Variants in LIPA observed in about 807,000 individuals in gnomAD.
The protein encoded by LIPA is lysosomal acid lipase/cholesteryl ester hydrolase.
A neutral mutation model predicts 40.6 loss-of-function variants in LIPA; 26 were observed. The observed-to-expected ratio is 0.64, with a 90% confidence interval of 0.47 to 0.89. LIPA has a LOEUF of 0.89. LIPA is among the 40% of genes least tolerant of loss of function. The pLI, the probability that LIPA is intolerant of heterozygous loss-of-function variation, is 0.00. For synonymous variants in LIPA, 188 were observed against 168.4 expected (o/e 1.12, Z -0.90); for missense variants, 455 against 479.6 (o/e 0.95, Z 0.48).
At chr10:89,272,448 G>A (rs566306709) in intron 1 of LIPA, among the ~76,000 whole-genome samples, 21 of 152,286 alleles carry the variant, frequency 1.4e-4, no homozygotes, top group African/African-American at 3.4e-4. Context: ...TTATTGCTGC[G>A]TAGTATTCCA....
Position 89,364,263 on chromosome 10 carries a change from C to T in LIPA, c.61+48528G>A, listed in dbSNP as rs181015779. Among the ~76,000 whole-genome samples, 568 of 152,310 alleles carry T rather than the reference C, an allele frequency of 3.7e-3. 5 individuals are homozygous for T. The highest frequency in any genetic ancestry group is 0.034 in the Middle Eastern group (10 of 294). On this transcript the variant is annotated intron_variant, in intron 2 of 8. Coordinates refer to the LIPA transcript ENST00000371837. ...TCTTGATATGTCTTGTGTTAGGTAC[C>T]TGGCACCTGCCAGACCAATCAGACT... is the stretch of plus-strand genomic sequence containing the variant.
intron 1 of LIPA, chr10:89,277,953 T>A (rs567800935): frequency 9.1e-4 from 139 of 152,300 alleles, no homozygotes; most frequent in African/African-American, 3.1e-3. Flanking sequence ...AAAGGTAACT[T>A]GGAAACACAG....
At chr10:89,234,753 C>T (rs934818861) in intron 3 of LIPA, among the ~76,000 whole-genome samples, 1 of 152,258 alleles carries the variant, frequency 6.6e-6, no homozygotes, top group Non-Finnish European at 1.5e-5. Flanking sequence ...TTGCTGTTCA[C>T]ATCTTCCAGT....
chr10:89,344,167 C>T (rs907303826), upstream of LIPA, among the ~76,000 whole-genome samples: 3 of 152,122 alleles, frequency 2.0e-5, no homozygotes, highest in African/African-American at 7.2e-5. Flanking sequence ...GAACAAAAAG[C>T]CTGTGTATCA....
At chr10:89,311,524 C>CA (rs36010336) in intron 1 of LIPA, among the ~76,000 whole-genome samples, 17,914 of 73,000 alleles carry the variant, frequency 0.25, 1,817 homozygotes, top group African/African-American at 0.28. Flanking sequence ...GACCCTGTCT[C>CA]AAAAAAAAAA....
At chr10:89,407,400 C>T (rs759979388) in intron 2 of LIPA, among the ~76,000 whole-genome samples, 8 of 152,154 alleles carry the variant, frequency 5.3e-5, no homozygotes, top group South Asian at 2.1e-4. Flanking sequence ...TATAAACTTC[C>T]GGACTCTGTT....
chr10:89,365,609 T>C (rs922559128), intron 2 of LIPA, among the ~76,000 whole-genome samples: 4 of 152,092 alleles, frequency 2.6e-5, no homozygotes, highest in African/African-American at 7.2e-5. Context: ...CTTTAATCCA[T>C]CTTGAATTAA....
intron 2 of LIPA, among the ~76,000 whole-genome samples, chr10:89,366,590 G>A (rs1331309064): frequency 5.3e-5 from 8 of 152,100 alleles, no homozygotes; most frequent in Non-Finnish European, 1.2e-4. Context: ...ATCATCACTG[G>A]CCATCAGAGA....
At chr10:89,403,343 C>G (rs754162011) in intron 2 of LIPA, 1 of 1,613,108 alleles carries the variant, frequency 6.2e-7, no homozygotes, top group South Asian at 1.1e-5. Context: ...CAGGCAATCA[C>G]AGAAAAGCTG....
chr10:89,222,115 C>T (rs753863797), intron 8 of LIPA, among the ~76,000 whole-genome samples: 1 of 151,750 alleles, frequency 6.6e-6, no homozygotes, highest in African/African-American at 2.4e-5. Context: ...ATCTCCAAAA[C>T]GGACTTAAAA....
At chr10:89,264,424 T>C (rs943247300) in intron 1 of LIPA, among the ~76,000 whole-genome samples, 2 of 152,058 alleles carry the variant, frequency 1.3e-5, no homozygotes, top group African/African-American at 4.8e-5. Flanking sequence ...GTAGCTCCTA[T>C]CTTCAAGCAG....
At chr10:89,261,151 T>C (rs1490509566) in intron 1 of LIPA, among the ~76,000 whole-genome samples, 2 of 152,230 alleles carry the variant, frequency 1.3e-5, no homozygotes, top group Admixed American at 1.3e-4. Flanking sequence ...TTCAGTGCCC[T>C]CCTACATAAA....
At chr10:89,326,186 C>T (rs1399243623) in intron 1 of LIPA, among the ~76,000 whole-genome samples, 1 of 152,122 alleles carries the variant, frequency 6.6e-6, no homozygotes, top group African/African-American at 2.4e-5. Flanking sequence ...TGGAAGCAAC[C>T]TAAGTGTCCA....
At chr10:89,239,193 T>G (rs150584153) in intron 3 of LIPA, among the ~76,000 whole-genome samples, 1 of 152,184 alleles carries the variant, frequency 6.6e-6, no homozygotes, top group Non-Finnish European at 1.5e-5. Flanking sequence ...GACATCTAAG[T>G]CAGATACTTT....
At chr10:89,391,936 C>T (rs1181246748) in intron 2 of LIPA, among the ~76,000 whole-genome samples, 2 of 152,140 alleles carry the variant, frequency 1.3e-5, no homozygotes, top group Non-Finnish European at 2.9e-5. Context: ...AACTCAAATT[C>T]CATGAACTGT....
chr10:89,366,184 T>A (rs574863612), intron 2 of LIPA, among the ~76,000 whole-genome samples: 1 of 152,318 alleles, frequency 6.6e-6, no homozygotes, highest in African/African-American at 2.4e-5. Context: ...GTAAGTTGGA[T>A]TCCTGGGTAT....
At chr10:89,223,115 C>G (rs1842721423) in intron 7 of LIPA, among the ~76,000 whole-genome samples, 1 of 152,060 alleles carries the variant, frequency 6.6e-6, no homozygotes, top group Non-Finnish European at 1.5e-5. Context: ...CAAGCATACA[C>G]TTATGTGTAT....
chr10:89,225,311 G>A (rs1842755497), intron 5 of LIPA, 83 bp from the exon 6 acceptor site: 3 of 1,212,636 alleles, frequency 2.5e-6, no homozygotes, highest in Admixed American at 1.9e-5. Flanking sequence ...CACTCGCGAC[G>A]CCCTCTCGCG....
chr10:89,290,787 C>G (rs1398432946), intron 1 of LIPA, among the ~76,000 whole-genome samples: 3 of 152,216 alleles, frequency 2.0e-5, no homozygotes, highest in South Asian at 2.1e-4. Context: ...GGCCCTATCT[C>G]CCTTCACTGA....
Sources: allele counts gnomAD v4.1 joint callset (sites outside exome capture counted in the v4.1 genomes callset), GRCh38; gene constraint gnomAD v4.1.1; transcripts MANE v1.5; gene names NCBI Gene and HGNC (gene_info 2026-07-23, HGNC 2026-07-21).